The following PARD3 variants were observed in gnomAD, a reference collection of about 807,000 sequenced individuals.
PARD3 encodes the protein par-3 family cell polarity regulator.
A neutral mutation model predicts 155.4 loss-of-function variants in PARD3; 75 were observed. That is an observed-to-expected ratio of 0.48 (90% CI 0.40 to 0.58). The LOEUF is 0.58. Among genes scored for constraint, PARD3 ranks in the 20% least tolerant of loss-of-function variants. PARD3 has a pLI of 0.00. For synonymous variants in PARD3, 576 were observed against 610.5 expected (o/e 0.94, Z 0.83); for missense variants, 1,642 against 1,721.7 (o/e 0.95, Z 0.82).
intron 5 of PARD3, among the ~76,000 whole-genome samples, chr10:34,441,995 T>C (rs2076487673): frequency 6.6e-6 from 1 of 152,214 alleles, no homozygotes; most frequent in Non-Finnish European, 1.5e-5. Context: ...GTAAGTTTAA[T>C]TTTAAAACAA....
intron 2 of PARD3, among the ~76,000 whole-genome samples, chr10:34,627,758 G>C (rs2092056381): frequency 1.3e-5 from 2 of 152,332 alleles, no homozygotes; most frequent in South Asian, 4.1e-4. Flanking sequence ...ATGAGTTTCT[G>C]TGTGTCAAGC....
intron 2 of PARD3, among the ~76,000 whole-genome samples, chr10:34,550,945 G>A (rs1228053510): frequency 2.6e-5 from 4 of 152,082 alleles, no homozygotes; most frequent in Admixed American, 6.6e-5. Context: ...TTTCAAGCAC[G>A]AGCAAGAACT....
intron 1 of PARD3, among the ~76,000 whole-genome samples, chr10:34,812,667 G>T (rs925018480): frequency 5.9e-5 from 9 of 152,216 alleles, no homozygotes; most frequent in African/African-American, 2.2e-4. Flanking sequence ...TTGGTATACT[G>T]CAAAGCCCCC....
At chr10:34,172,153 G>A (rs1264314939) in intron 22 of PARD3, among the ~76,000 whole-genome samples, 3 of 152,006 alleles carry the variant, frequency 2.0e-5, no homozygotes, top group East Asian at 3.9e-4. Context: ...AAGTGTAAAC[G>A]AATCAGAAAC....
At chr10:34,594,224 G>A (rs16935556) in intron 2 of PARD3, among the ~76,000 whole-genome samples, 9,054 of 152,168 alleles carry the variant, frequency 0.059, 842 homozygotes, top group African/African-American at 0.2. Context: ...ACCTAAGCAT[G>A]CTCTTGGAAG....
At position 34,359,310 on chromosome 10, in the gene PARD3, C is replaced by T; in HGVS notation, c.1904G>A (p.Arg635Lys). ...INGGAASKDG[R>K]LRVNDQLIAV... is the part of the protein sequence containing the mutation. ...TATCAGTTGATCATTCACCCGAAGC[C>T]TTCCATCCTGGGAAGAAAACAGGTA... Residue 635 changes from arginine (R) to lysine (K), a missense_variant, in exon 14 of 25, where the codon AGG (arginine) becomes AAG (lysine). Arg to Lys is a conservative substitution (Grantham distance 26). Transcript: ENST00000374788. 6.2e-7 allele frequency: 1 copy of T among 1,613,048 alleles called. No individual in the cohort carries two copies. The highest frequency in any genetic ancestry group is 8.5e-7 in the Non-Finnish European group (1 of 1,179,510).
At chr10:34,735,723 AT>A (rs2094901253) in intron 1 of PARD3, among the ~76,000 whole-genome samples, 1 of 152,242 alleles carries the variant, frequency 6.6e-6, no homozygotes, top group Non-Finnish European at 1.5e-5. Flanking sequence ...AGGAAAAAAA[AT>A]TTGAAACAAC....
chr10:34,161,045 C>T (rs1949253348), intron 22 of PARD3, among the ~76,000 whole-genome samples: 1 of 152,114 alleles, frequency 6.6e-6, no homozygotes, highest in South Asian at 2.1e-4. Flanking sequence ...AGTTTGAGAC[C>T]AGCCTAGGCA....
intron 2 of PARD3, among the ~76,000 whole-genome samples, chr10:34,669,207 C>T (rs2093561633): frequency 6.6e-6 from 1 of 152,102 alleles, no homozygotes; most frequent in African/African-American, 2.4e-5. Context: ...AGGGAATCAA[C>T]CTAAGTGTCC....
intron 7 of PARD3, among the ~76,000 whole-genome samples, chr10:34,384,632 G>C (rs1475665879): frequency 6.6e-6 from 1 of 152,094 alleles, no homozygotes; most frequent in Non-Finnish European, 1.5e-5. Flanking sequence ...TAAGCCAGCT[G>C]GCACGCTAGC....
intron 1 of PARD3, among the ~76,000 whole-genome samples, chr10:34,798,502 C>T (rs1357584967): frequency 6.6e-6 from 1 of 151,762 alleles, no homozygotes; most frequent in African/African-American, 2.4e-5. Context: ...GTCAGGAGTT[C>T]AAGACCACCC....
intron 2 of PARD3, among the ~76,000 whole-genome samples, chr10:34,596,654 T>A (rs2089288841): frequency 6.6e-6 from 1 of 152,042 alleles, no homozygotes; most frequent in Admixed American, 6.6e-5. Flanking sequence ...GGATTTCAAC[T>A]CAAGATGAGA....
chr10:34,796,690 G>A (rs1039124200), intron 1 of PARD3, among the ~76,000 whole-genome samples: 6 of 152,180 alleles, frequency 3.9e-5, no homozygotes, highest in African/African-American at 1.4e-4. Context: ...TACCCTTGAA[G>A]AAATTATTTC....
At chr10:34,740,107 C>T (rs1646434400) in intron 1 of PARD3, among the ~76,000 whole-genome samples, 1 of 152,198 alleles carries the variant, frequency 6.6e-6, no homozygotes, top group Admixed American at 6.5e-5. Flanking sequence ...GTGAGAGCCT[C>T]CCGTCCCCAC....
intron 2 of PARD3, among the ~76,000 whole-genome samples, chr10:34,685,281 T>C (rs373496810): frequency 6.6e-6 from 1 of 152,210 alleles, no homozygotes; most frequent in South Asian, 2.1e-4. Context: ...TATGATAAGG[T>C]ATGCCTTCAG....
chr10:34,722,183 T>C (rs1026075340), intron 1 of PARD3, among the ~76,000 whole-genome samples: 3 of 152,096 alleles, frequency 2.0e-5, no homozygotes, highest in Admixed American at 1.3e-4. Context: ...TAAAGTGAGA[T>C]CCTGTCTCAA....
chr10:34,493,277 A>C (rs2133343897), intron 3 of PARD3, among the ~76,000 whole-genome samples: 1 of 152,368 alleles, frequency 6.6e-6, no homozygotes, highest in South Asian at 2.1e-4. Flanking sequence ...AAGCACATGC[A>C]TACATTACCT....
chr10:34,113,999 G>A (rs1447596788), intron 24 of PARD3, among the ~76,000 whole-genome samples: 1 of 152,228 alleles, frequency 6.6e-6, no homozygotes, highest in Non-Finnish European at 1.5e-5. Flanking sequence ...GCTCAGGCCT[G>A]TAATCTCAGA....
intron 2 of PARD3, among the ~76,000 whole-genome samples, chr10:34,548,485 C>G (rs1368537046): frequency 6.6e-6 from 1 of 152,000 alleles, no homozygotes; most frequent in Non-Finnish European, 1.5e-5. Context: ...GGCAACAGAG[C>G]AAGACTCTGT....
Sources: allele counts gnomAD v4.1 joint callset (sites outside exome capture counted in the v4.1 genomes callset), GRCh38; gene constraint gnomAD v4.1.1; transcripts MANE v1.5; gene names NCBI Gene and HGNC (gene_info 2026-07-23, HGNC 2026-07-21).